The following ZBTB20 variants were observed in gnomAD, a reference collection of about 807,000 sequenced individuals.
ZBTB20 encodes zinc finger and BTB domain containing 20, also known as zinc finger and BTB domain-containing protein 20.
Under a neutral mutation model 56.9 loss-of-function variants are expected in ZBTB20, and 9 were observed. The ratio of observed to expected loss-of-function variants is 0.16; its 90% CI spans 0.10 to 0.28. ZBTB20 has a LOEUF of 0.28. Among genes scored for constraint, ZBTB20 ranks in the 10% least tolerant of loss-of-function variants. ZBTB20 has a pLI of 1.00. For missense variants in ZBTB20, 655 were observed against 1,003.0 expected (o/e 0.65, Z 4.69); for synonymous variants, 417 against 420.7 (o/e 0.99, Z 0.11).
chr3:114,377,541 A>T (rs1045697833), intron 10 of ZBTB20, among the ~76,000 whole-genome samples: 1 of 152,184 alleles, frequency 6.6e-6, no homozygotes, highest in East Asian at 1.9e-4. Context: ...TTACCCACCC[A>T]TGTCAGTTCA....
chr3:114,477,832 T>C (rs1196912550), intron 7 of ZBTB20, among the ~76,000 whole-genome samples: 1 of 151,840 alleles, frequency 6.6e-6, no homozygotes, highest in African/African-American at 2.4e-5. Context: ...TCAGTCTTTC[T>C]TTCTTTCTTT....
chr3:114,359,345 AC>A (rs1256073267), intron 10 of ZBTB20: 1 of 152,186 alleles, frequency 6.6e-6, no homozygotes, highest in Non-Finnish European at 1.5e-5. Flanking sequence ...AATTTACTTT[AC>A]AGTACAGTTT....
At chr3:114,570,120 G>T (rs1161801627) in intron 6 of ZBTB20, among the ~76,000 whole-genome samples, 1 of 152,068 alleles carries the variant, frequency 6.6e-6, no homozygotes, top group Non-Finnish European at 1.5e-5. Flanking sequence ...AACAATTTGG[G>T]GGAAAGAAGA....
intron 2 of ZBTB20, among the ~76,000 whole-genome samples, chr3:114,997,565 TA>T (rs538543082): frequency 0.011 from 1,666 of 148,702 alleles, 33 homozygotes; most frequent in African/African-American, 0.037. Context: ...TTCTTTTCTT[TA>T]AAAAAAAAAT....
intron 1 of ZBTB20, among the ~76,000 whole-genome samples, chr3:115,085,997 G>A (rs866713256): frequency 1.4e-4 from 21 of 151,810 alleles, no homozygotes; most frequent in African/African-American, 4.6e-4. Flanking sequence ...AAAAACGGGC[G>A]TTGTATTTCT....
intron 6 of ZBTB20, among the ~76,000 whole-genome samples, chr3:114,600,812 C>T (rs1355175372): frequency 6.6e-6 from 1 of 152,034 alleles, no homozygotes; most frequent in African/African-American, 2.4e-5. Context: ...TATTTTCTCC[C>T]TCCAGTCTCA....
intron 7 of ZBTB20, among the ~76,000 whole-genome samples, chr3:114,437,625 G>A (rs1461263009): frequency 2.0e-5 from 3 of 152,208 alleles, no homozygotes; most frequent in East Asian, 3.9e-4. Context: ...ATTTTATAGG[G>A]TTGAAGCAGC....
At chr3:114,959,956 T>G (rs2107966275) in intron 3 of ZBTB20, among the ~76,000 whole-genome samples, 2 of 152,284 alleles carry the variant, frequency 1.3e-5, no homozygotes, top group African/African-American at 4.8e-5. Flanking sequence ...CACAAAGTAC[T>G]GAAAGATTGG....
intron 5 of ZBTB20, among the ~76,000 whole-genome samples, chr3:114,751,120 T>C (rs984422183): frequency 6.6e-6 from 1 of 152,166 alleles, no homozygotes; most frequent in African/African-American, 2.4e-5. Context: ...TAAAATGTTA[T>C]TATTTATATA....
chr3:114,362,533 C>T (rs540069711), intron 10 of ZBTB20, among the ~76,000 whole-genome samples: 1 of 152,306 alleles, frequency 6.6e-6, no homozygotes, highest in Admixed American at 6.5e-5. Flanking sequence ...CTGTGTAATG[C>T]TCTTCTTCTT....
rs115257623 is a variant in ZBTB20, at chr3:114,339,515, A to G, written c.1805-89T>C. ...AGGACAGGAAAAACAAGACAACAAA[A>G]AAGAAAAATAAAACAATTAAAAAAT... On this transcript the variant is annotated intron_variant, in intron 11 of 11. Transcript: ENST00000675478. The surrounding 1 kb of genome is among the most constrained non-coding windows in gnomAD (Gnocchi z 4.2). 4,255 of 1,366,844 alleles carry G rather than the reference A, an allele frequency of 3.1e-3. 100 individuals are homozygous for G. In the African/African-American group the frequency reaches 0.057, roughly 18 times the overall value. The allele number at this position is 1,366,844 out of a possible 1,614,324, so 84.7% of individuals were successfully genotyped here. A position where few individuals can be genotyped will look rare whatever the true frequency, so the allele number is the denominator to read the frequency against.
chr3:114,753,273 GTATATATAATGTATATATGTA>G (rs2067706316), intron 5 of ZBTB20, among the ~76,000 whole-genome samples: 1 of 20,560 alleles, frequency 4.9e-5, no homozygotes, highest in Non-Finnish European at 1.6e-4. Context: ...ATGTATACCT[GTATATATAATGTATATATGTA>G]TACCTGTATA....
chr3:114,937,266 C>A (rs192874460), intron 3 of ZBTB20, among the ~76,000 whole-genome samples: 70 of 152,142 alleles, frequency 4.6e-4, no homozygotes, highest in Non-Finnish European at 7.4e-4. Flanking sequence ...TCTCCACATC[C>A]TCTCCAGCAT....
intron 7 of ZBTB20, among the ~76,000 whole-genome samples, chr3:114,396,599 T>G (rs2086358133): frequency 6.6e-6 from 1 of 152,086 alleles, no homozygotes; most frequent in African/African-American, 2.4e-5. Flanking sequence ...CAAAGCAGAG[T>G]TAAGGGCCAG....
chr3:114,761,434 T>C lies in ZBTB20; in HGVS notation c.-343+39667A>G, dbSNP rs181154458. Among the ~76,000 whole-genome samples the C allele has an allele frequency of 3.7e-3, 561 of 152,286 alleles. 1 individual carries two copies. Among genetic ancestry groups the C allele is most frequent in the South Asian group, 0.015 (71 of 4,826 alleles). On this transcript the variant is annotated intron_variant, in intron 5 of 11. Transcript: ENST00000675478. ...AAGTAGAGAAGCTAGATATACACTA[T>C]GTGAATTCATTCTACACAATGAGAC... is the stretch of plus-strand genomic sequence containing the variant.
intron 10 of ZBTB20, among the ~76,000 whole-genome samples, chr3:114,372,071 T>C (rs2083082464): frequency 6.6e-6 from 1 of 152,168 alleles, no homozygotes; most frequent in Non-Finnish European, 1.5e-5. Flanking sequence ...TCTCAATCAA[T>C]CCTAAATGAT....
chr3:114,408,561 A>G (rs372186281), intron 7 of ZBTB20, among the ~76,000 whole-genome samples: 3 of 152,128 alleles, frequency 2.0e-5, no homozygotes, highest in East Asian at 1.9e-4. Flanking sequence ...GAAAGATTCA[A>G]TGTTTTTAAA....
At chr3:114,866,975 C>T (rs1417774058) in intron 4 of ZBTB20, among the ~76,000 whole-genome samples, 2 of 152,070 alleles carry the variant, frequency 1.3e-5, no homozygotes, top group East Asian at 3.9e-4. Context: ...TTTATTAGTT[C>T]CAATTCTCTG....
chr3:114,734,349 G>T (rs148641131), intron 5 of ZBTB20, among the ~76,000 whole-genome samples: 1 of 151,856 alleles, frequency 6.6e-6, no homozygotes, highest in African/African-American at 2.4e-5. Flanking sequence ...TTTCATGCAG[G>T]CCTCTAATTA....
Sources: allele counts gnomAD v4.1 joint callset (sites outside exome capture counted in the v4.1 genomes callset), GRCh38; gene constraint gnomAD v4.1.1; non-coding constraint Gnocchi (gnomAD v3.1); transcripts MANE v1.5; gene names NCBI Gene and HGNC (gene_info 2026-07-23, HGNC 2026-07-21).